HDAC9: variants seen among roughly 807,000 people sequenced by gnomAD.
HDAC9 encodes the protein MEF-2 interacting transcription repressor (MITR) protein.
HDAC9 carries 41 observed loss-of-function variants against 139.4 expected under a neutral mutation model. That is an observed-to-expected ratio of 0.29 (90% CI 0.23 to 0.38). HDAC9 has a LOEUF of 0.38. Among genes scored for constraint, HDAC9 ranks in the 10% least tolerant of loss-of-function variants. The pLI is 1.00. For missense variants in HDAC9, 1,147 were observed against 1,297.0 expected, an observed-to-expected ratio of 0.88 and a Z score of 1.78; for synonymous variants, 517 against 476.2, an observed-to-expected ratio of 1.09 and a Z score of -1.12.
At chr7:18,659,577 C>A (rs1792471553) in intron 11 of HDAC9, among the ~76,000 whole-genome samples, 1 of 152,040 alleles carries the variant, frequency 6.6e-6, no homozygotes, top group Admixed American at 6.6e-5. Flanking sequence ...TCATAGGCTG[C>A]CCGTGGCATG....
intron 3 of HDAC9, among the ~76,000 whole-genome samples, chr7:18,589,289 G>T (rs1441588252): frequency 6.6e-6 from 1 of 152,164 alleles, no homozygotes; most frequent in Non-Finnish European, 1.5e-5. Flanking sequence ...AGTTAGAGAG[G>T]CCAAGGTTGG....
At chr7:18,867,933 T>C (rs891718432) in intron 21 of HDAC9, among the ~76,000 whole-genome samples, 4 of 152,192 alleles carry the variant, frequency 2.6e-5, no homozygotes, top group South Asian at 4.1e-4. Flanking sequence ...TTTTAAGTTA[T>C]GCAATTTTAG....
chr7:18,592,793 C>G (rs1261806238), intron 5 of HDAC9, among the ~76,000 whole-genome samples: 2 of 152,064 alleles, frequency 1.3e-5, no homozygotes, highest in African/African-American at 4.8e-5. Context: ...AATATTCAAT[C>G]AATATCACGA....
intron 12 of HDAC9, among the ~76,000 whole-genome samples, chr7:18,694,686 G>A (rs1480117480): frequency 6.6e-6 from 1 of 152,012 alleles, no homozygotes; most frequent in African/African-American, 2.4e-5. Context: ...GGAGAGGATG[G>A]GCTGATTTAT....
chr7:18,462,645 G>A (rs1227668134), intron 1 of HDAC9, among the ~76,000 whole-genome samples: 2 of 151,666 alleles, frequency 1.3e-5, no homozygotes, highest in African/African-American at 4.8e-5. Context: ...ATATTCTTTT[G>A]TGACTGGCCT....
At chr7:18,791,097 G>T (rs1187081635) in intron 16 of HDAC9, among the ~76,000 whole-genome samples, 1 of 152,050 alleles carries the variant, frequency 6.6e-6, no homozygotes, top group Non-Finnish European at 1.5e-5. Context: ...CCTTTAGTAT[G>T]GTCAAAGATA....
chr7:18,600,933 G>C (rs895518676), intron 6 of HDAC9, among the ~76,000 whole-genome samples: 4 of 152,096 alleles, frequency 2.6e-5, no homozygotes, highest in African/African-American at 9.7e-5. Flanking sequence ...CTCCTGAGTA[G>C]CTTGGCAGCA....
intron 2 of HDAC9, among the ~76,000 whole-genome samples, chr7:18,242,917 T>C (rs969746755): frequency 6.6e-6 from 1 of 152,242 alleles, no homozygotes; most frequent in Non-Finnish European, 1.5e-5. Context: ...ACCTTCATGC[T>C]CTGTTGTTAG....
At chr7:18,734,607 G>A (rs970780600) in intron 13 of HDAC9, among the ~76,000 whole-genome samples, 58 of 152,168 alleles carry the variant, frequency 3.8e-4, no homozygotes, top group African/African-American at 1.3e-3. Context: ...TGGTGTATAT[G>A]CGCCACATTT....
chr7:18,532,502 A>G (rs1470248635), intron 2 of HDAC9, among the ~76,000 whole-genome samples: 3 of 152,174 alleles, frequency 2.0e-5, no homozygotes, highest in Admixed American at 1.3e-4. Flanking sequence ...TTCTTGTTTA[A>G]TTATATGATT....
In HDAC9 at chr7:18,648,763, G is replaced by A. The variant is rs1489320620; in HGVS notation, c.1467+80G>A. The A allele has an allele frequency of 5.8e-6, 7 of 1,216,414 alleles. No homozygotes were observed. The Admixed American group carries it at 1.2e-4, about 21-fold the overall frequency. 75.4% of individuals were successfully genotyped at this position (1,216,414 alleles called of 1,614,324 possible). On this transcript the variant is annotated intron_variant, in intron 11 of 25. Transcript: ENST00000686413. ...TCTCTTCACTGATATGGGTGTCTAA[G>A]AGGAATGTTGATGGGAGTCACAGCA...
intron 6 of HDAC9, among the ~76,000 whole-genome samples, chr7:18,599,825 G>T (rs1325240229): frequency 6.6e-6 from 1 of 152,146 alleles, no homozygotes; most frequent in Non-Finnish European, 1.5e-5. Context: ...ACTGGATCAT[G>T]TGGTAAGACT....
chr7:18,585,253 C>T (rs1163357106), intron 2 of HDAC9, 28 bp from the exon 3 acceptor site: 1 of 1,608,980 alleles, frequency 6.2e-7, no homozygotes, highest in East Asian at 2.2e-5. Context: ...CTCCCCCACC[C>T]CATTTCCCTT....
intron 21 of HDAC9, among the ~76,000 whole-genome samples, chr7:18,843,973 T>C (rs1345779553): frequency 6.6e-6 from 1 of 152,206 alleles, no homozygotes; most frequent in Non-Finnish European, 1.5e-5. Context: ...TGTTTTCTGA[T>C]GGGCAGGACT....
chr7:18,347,053 C>T (rs1020094707), intron 1 of HDAC9, among the ~76,000 whole-genome samples: 12 of 152,058 alleles, frequency 7.9e-5, no homozygotes, highest in Non-Finnish European at 1.6e-4. Flanking sequence ...AAAAGTTGTT[C>T]ATATTTGTTT....
At chr7:18,743,073 G>T (rs777493244) in intron 13 of HDAC9, among the ~76,000 whole-genome samples, 2 of 151,982 alleles carry the variant, frequency 1.3e-5, no homozygotes, top group African/African-American at 4.8e-5. Context: ...ATTCTCAACG[G>T]CCCTGTTTTT....
chr7:18,664,550 T>C (rs1230343892), intron 11 of HDAC9, among the ~76,000 whole-genome samples: 2 of 152,138 alleles, frequency 1.3e-5, no homozygotes, highest in Non-Finnish European at 2.9e-5. Context: ...GTGACTTAGA[T>C]GCGCTGGTCT....
intron 1 of HDAC9, among the ~76,000 whole-genome samples, chr7:18,406,208 A>G (rs183833328): frequency 2.7e-3 from 414 of 152,286 alleles, no homozygotes; most frequent in Non-Finnish European, 4.9e-3. Context: ...TGACTTTTCC[A>G]TAATTGTAAG....
chr7:18,341,957 C>G (rs1782047062), intron 1 of HDAC9, among the ~76,000 whole-genome samples: 1 of 151,802 alleles, frequency 6.6e-6, no homozygotes, highest in African/African-American at 2.4e-5. Context: ...GCTATTACTT[C>G]TCACTACTCG....
Sources: allele counts gnomAD v4.1 joint callset (sites outside exome capture counted in the v4.1 genomes callset), GRCh38; gene constraint gnomAD v4.1.1; transcripts MANE v1.5; gene names NCBI Gene and HGNC (gene_info 2026-07-23, HGNC 2026-07-21).